Variants in HERC3 observed in about 807,000 individuals in gnomAD.
The protein encoded by HERC3 is HECT and RLD domain containing E3 ubiquitin protein ligase 3, also known as probable E3 ubiquitin-protein ligase HERC3.
HERC3 carries 58 observed loss-of-function variants against 129.9 expected under a neutral mutation model. The ratio of observed to expected loss-of-function variants is 0.45; its 90% CI spans 0.36 to 0.56. HERC3 has a LOEUF of 0.56. HERC3 is among the 20% of genes least tolerant of loss of function. The pLI is 0.00. For missense variants in HERC3, 835 were observed against 1,244.2 expected, an observed-to-expected ratio of 0.67 and a Z score of 4.95; for synonymous variants, 430 against 451.0, an observed-to-expected ratio of 0.95 and a Z score of 0.59.
rs534112692 is a variant in HERC3, at chr4:88,639,290, C to G, written c.227-10550C>G. Among the ~76,000 whole-genome samples the G allele has an allele frequency of 5.9e-4, 90 of 152,146 alleles. 1 individual carries two copies. Among genetic ancestry groups the G allele is most frequent in the Admixed American group, 1.4e-3 (21 of 15,268 alleles). ...AGAGAGCCCACATAGTCAAGGCAATCCTAAGCAGAAAGAACAAAGCTGGAA... is the reference window on the plus strand; with the variant it reads ...AGAGAGCCCACATAGTCAAGGCAATGCTAAGCAGAAAGAACAAAGCTGGAA... On this transcript the variant is annotated intron_variant, in intron 3 of 25. Transcript: ENST00000402738.
chr4:88,589,546 C>G (rs1721610340), upstream of HERC3, among the ~76,000 whole-genome samples: 1 of 152,070 alleles, frequency 6.6e-6, no homozygotes, highest in African/African-American at 2.4e-5. Context: ...CAGGGGCTGA[C>G]ATTATTGTAG....
intron 3 of HERC3, among the ~76,000 whole-genome samples, chr4:88,611,398 G>T (rs1297512027): frequency 1.3e-5 from 2 of 152,182 alleles, no homozygotes; most frequent in Non-Finnish European, 2.9e-5. Flanking sequence ...TTTGTTACAG[G>T]TATCTGTTGG....
chr4:88,564,337 G>GT, the HERC3 span, among the ~76,000 whole-genome samples: 5 of 152,142 alleles, frequency 3.3e-5, no homozygotes, highest in African/African-American at 1.2e-4. Flanking sequence ...TCTCTATTTA[G>GT]TTTGACTAGA....
At chr4:88,560,763 A>G in the HERC3 span, among the ~76,000 whole-genome samples, 3 of 152,006 alleles carry the variant, frequency 2.0e-5, no homozygotes, top group African/African-American at 4.8e-5. Flanking sequence ...ATTTTTGTGT[A>G]TGGTGTAAGA....
intron 16 of HERC3, among the ~76,000 whole-genome samples, chr4:88,674,329 A>G (rs900809863): frequency 6.6e-6 from 1 of 152,138 alleles, no homozygotes; most frequent in African/African-American, 2.4e-5. Flanking sequence ...GTCTGAAATA[A>G]CTGCATTACA....
In HERC3 at chr4:88,707,009, T is replaced by A. The variant is rs1368292204; in HGVS notation, c.*49T>A. The A allele has an allele frequency of 7.0e-7, 1 of 1,424,010 alleles. No individual in the cohort carries two copies. Among genetic ancestry groups the A allele is most frequent in the Admixed American group, 1.7e-5 (1 of 59,232 alleles). The allele number at this position is 1,424,010 out of a possible 1,614,324, so 88.2% of individuals were successfully genotyped here. A position where few individuals can be genotyped will look rare whatever the true frequency, so the allele number is the denominator to read the frequency against. The stretch of plus-strand genomic sequence containing the variant: ...TCCCTTCGTTCCTCAGTGTCCACAT[T>A]GAGGCCTATACAGAAAATCATGGGG... On this transcript the variant is annotated 3_prime_UTR_variant, in exon 26 of 26. Coordinates refer to ENST00000402738, the MANE Select transcript of HERC3 (RefSeq NM_014606.3).
intron 23 of HERC3, among the ~76,000 whole-genome samples, chr4:88,698,999 C>T (rs1735009594): frequency 1.5e-5 from 2 of 129,680 alleles, no homozygotes; most frequent in South Asian, 6.2e-4. Context: ...TTTCCTCACG[C>T]TCCTCACCCT....
At chr4:88,692,898 T>C (rs1289951020) in intron 23 of HERC3, 2 of 985,388 alleles carry the variant, frequency 2.0e-6, no homozygotes, top group Non-Finnish European at 2.4e-6. Context: ...CCTTTCGCCC[T>C]AGGAAGAAAA....
intron 23 of HERC3, chr4:88,697,038 TG>T: frequency 1.7e-6 from 1 of 593,786 alleles, no homozygotes; most frequent in Non-Finnish European, 2.8e-6. Context: ...TGAATCGAGC[TG>T]GCCAGGATCT....
At position 88,595,586 on chromosome 4, in the gene HERC3, C is replaced by A. The variant is rs1167282237; in HGVS notation, c.-58C>A. On this transcript the variant is annotated 5_prime_UTR_variant, in exon 2 of 26. Transcript: ENST00000402738. The stretch of plus-strand genomic sequence containing the variant: ...GCAAGGTGTGGAATATTTCTGGCTT[C>A]TAGTCCAATGCCAAGTGTGTGACCT... 6.6e-6 allele frequency: 1 copy of A among 152,200 alleles called. No individual in the cohort carries two copies. Among genetic ancestry groups the A allele is most frequent in the Non-Finnish European group, 1.5e-5 (1 of 68,036 alleles). The allele number at this position is 152,200 out of a possible 1,614,324, so 9.4% of individuals were successfully genotyped here. A position where few individuals can be genotyped will look rare whatever the true frequency, so the allele number is the denominator to read the frequency against.
At chr4:88,690,842 T>C (rs940843564) in intron 23 of HERC3, among the ~76,000 whole-genome samples, 1 of 152,220 alleles carries the variant, frequency 6.6e-6, no homozygotes, top group Non-Finnish European at 1.5e-5. Flanking sequence ...AGACATTTCT[T>C]TGAATCAACA....
chr4:88,665,989 A>G (rs1731006356), intron 12 of HERC3, among the ~76,000 whole-genome samples: 1 of 152,170 alleles, frequency 6.6e-6, no homozygotes, highest in Non-Finnish European at 1.5e-5. Context: ...GGGACTTGCT[A>G]TTGGCATCCA....
the HERC3 span, among the ~76,000 whole-genome samples, chr4:88,578,357 A>G: frequency 6.6e-6 from 1 of 152,094 alleles, no homozygotes; most frequent in Non-Finnish European, 1.5e-5. Flanking sequence ...CGAGGCGGGT[A>G]GATCACTTGA....
chr4:88,681,686 CTG>C (rs1287796195), intron 21 of HERC3, among the ~76,000 whole-genome samples: 1 of 152,056 alleles, frequency 6.6e-6, no homozygotes, highest in Non-Finnish European at 1.5e-5. Context: ...TTTAATTAAA[CTG>C]TTTTTGTTGT....
At chr4:88,564,216 T>C in the HERC3 span, among the ~76,000 whole-genome samples, 2 of 152,220 alleles carry the variant, frequency 1.3e-5, no homozygotes, top group Admixed American at 1.3e-4. Context: ...TATTTTTACA[T>C]CAAGGTTCAT....
chr4:88,603,398 C>T (rs1395456116), intron 2 of HERC3, among the ~76,000 whole-genome samples: 2 of 151,806 alleles, frequency 1.3e-5, no homozygotes, highest in African/African-American at 2.4e-5. Flanking sequence ...AGTAGAGATG[C>T]GGTTTCACCA....
chr4:88,622,700 G>T (rs906915720), intron 3 of HERC3, among the ~76,000 whole-genome samples: 1 of 152,176 alleles, frequency 6.6e-6, no homozygotes, highest in African/African-American at 2.4e-5. Context: ...GGAGGCAGAG[G>T]TGGGTGGATC....
At chr4:88,682,444 A>G (rs112392762) in intron 21 of HERC3, among the ~76,000 whole-genome samples, 8 of 151,422 alleles carry the variant, frequency 5.3e-5, no homozygotes, top group Non-Finnish European at 1.0e-4. Context: ...TTAACATTAG[A>G]TGTATTTCCT....
intron 16 of HERC3, among the ~76,000 whole-genome samples, chr4:88,674,962 G>A (rs1560749421): frequency 6.6e-6 from 1 of 152,170 alleles, no homozygotes; most frequent in Admixed American, 6.6e-5. Context: ...GGAGGCACAT[G>A]CTGCTTATTC....
Sources: allele counts gnomAD v4.1 joint callset (sites outside exome capture counted in the v4.1 genomes callset), GRCh38; gene constraint gnomAD v4.1.1; transcripts MANE v1.5; gene names NCBI Gene and HGNC (gene_info 2026-07-23, HGNC 2026-07-21).